G6PC1: variants seen among roughly 807,000 people sequenced by gnomAD.
G6PC1 encodes the protein glucose-6-phosphatase catalytic subunit 1.
In G6PC1, 23 loss-of-function variants were observed where a neutral mutation model predicts 30.4. The observed-to-expected ratio is 0.76, with a 90% CI of 0.55 to 1.07. The LOEUF is 1.07. Among genes scored for constraint, G6PC1 ranks in the 50% least tolerant of loss-of-function variants. The pLI is 0.00. For synonymous variants in G6PC1, 163 were observed against 175.6 expected (o/e 0.93, Z 0.57); for missense variants, 391 against 433.9 (o/e 0.90, Z 0.88).
At chr17:42,909,868 GT>G (rs1018159270) in intron 4 of G6PC1, among the ~76,000 whole-genome samples, 41 of 140,470 alleles carry the variant, frequency 2.9e-4, no homozygotes, top group Admixed American at 3.6e-4. Context: ...GTTTTTTTTT[GT>G]TTTTTTTTTT....
At chr17:42,906,015 C>CA (rs1447113307) in intron 2 of G6PC1, among the ~76,000 whole-genome samples, 2 of 149,734 alleles carry the variant, frequency 1.3e-5, no homozygotes, top group African/African-American at 5.0e-5. Flanking sequence ...CACTGCACTC[C>CA]AGCCTTGGTG....
At chr17:42,901,130 T>A (rs2056023593) in intron 1 of G6PC1, 24 bp downstream of exon 1, 4 of 1,590,216 alleles carry the variant, frequency 2.5e-6, no homozygotes, top group Non-Finnish European at 3.5e-6. Flanking sequence ...AGAGAGGAGA[T>A]CAGCAAGAAA....
Position 42,910,900 on chromosome 17 carries a change from C to T in G6PC1, c.563-15C>T. ...ATCCTTCCTATCTCTCACAGTCATGCTTTCTTCCACTCAGGCATTGCTGTT... is the reference window on the plus strand; with the variant it reads ...ATCCTTCCTATCTCTCACAGTCATGTTTTCTTCCACTCAGGCATTGCTGTT... On this transcript the variant is annotated splice_polypyrimidine_tract_variant and intron_variant, in intron 4 of 4. Coordinates refer to ENST00000253801, the MANE Select transcript of G6PC1 (RefSeq NM_000151.4). 1 of 1,613,858 alleles carries T rather than the reference C, an allele frequency of 6.2e-7. No individual in the cohort carries two copies. The highest frequency in any genetic ancestry group is 8.5e-7 in the Non-Finnish European group (1 of 1,179,768).
chr17:42,911,713 C>T lies in G6PC1; in HGVS notation c.*287C>T, dbSNP rs541803451. Reference sequence around the variant, plus strand: ...TCCTCTCTCTACTTGAATACTCTCACAAGTAGGGAGCTCACTCCCACTGGA... The same window carrying T: ...TCCTCTCTCTACTTGAATACTCTCATAAGTAGGGAGCTCACTCCCACTGGA... On this transcript the variant is annotated 3_prime_UTR_variant, in exon 5 of 5. Coordinates refer to ENST00000253801, the MANE Select transcript of G6PC1 (RefSeq NM_000151.4). The T allele has an allele frequency of 2.1e-6, 1 of 484,320 alleles. No homozygotes were observed. Among genetic ancestry groups the T allele is most frequent in the African/African-American group, 1.9e-5 (1 of 51,286 alleles). 30.0% of individuals were successfully genotyped at this position (484,320 alleles called of 1,614,324 possible).
At chr17:42,905,901 C>T (rs2056059315) in intron 2 of G6PC1, among the ~76,000 whole-genome samples, 1 of 151,940 alleles carries the variant, frequency 6.6e-6, no homozygotes, top group Admixed American at 6.6e-5. Flanking sequence ...AAAAACTTAG[C>T]CAGGCATGGT....
chr17:42,902,571 G>C (rs922469133), intron 1 of G6PC1, among the ~76,000 whole-genome samples: 9 of 152,104 alleles, frequency 5.9e-5, no homozygotes, highest in Non-Finnish European at 1.2e-4. Context: ...AAAATAAAAA[G>C]ATGAAGTGTT....
intron 1 of G6PC1, 108 bp from the exon 2 acceptor site, chr17:42,903,823 A>G (rs1368189790): frequency 1.3e-6 from 1 of 785,952 alleles, no homozygotes; most frequent in African/African-American, 1.7e-5. Context: ...TCTCCCTTCT[A>G]GAGGCAACAT....
Position 42,907,547 on chromosome 17 carries a change from G to C in G6PC1, c.365G>C (p.Gly122Ala). The C allele has an allele frequency of 6.2e-7, 1 of 1,613,698 alleles. No homozygotes were observed. Residue 122 changes from glycine (G) to alanine (A), a missense_variant, in exon 3 of 5, where the codon GGC becomes GCC. Gly to Ala is a moderately conservative substitution (Grantham distance 60). Coordinates refer to ENST00000253801, the MANE Select transcript of G6PC1 (RefSeq NM_000151.4). ...GPGSPSGHAM[G>A]TAGVYYVMVT... ...GGGAGCCCCTCTGGCCATGCCATGG[G>C]CACAGCAGGTGTATACTACGTGATG...
rs763493186 is a variant in G6PC1, at chr17:42,912,859, G to T, written c.*1433G>T. The stretch of plus-strand genomic sequence containing the variant: ...CACCCAGGCTGGAGTGGAGTGGCAC[G>T]ATCTTGGCTCACTGCAACCTCTTCC... On this transcript the variant is annotated 3_prime_UTR_variant, in exon 5 of 5. Coordinates refer to ENST00000253801, the MANE Select transcript of G6PC1 (RefSeq NM_000151.4). 6.6e-6 allele frequency: 1 copy of T among 151,784 alleles called. No homozygotes were observed. The highest frequency in any genetic ancestry group is 1.9e-4 in the East Asian group (1 of 5,156). 9.4% of individuals were successfully genotyped at this position (151,784 alleles called of 1,614,324 possible).
intron 4 of G6PC1, among the ~76,000 whole-genome samples, chr17:42,910,248 TAAC>T (rs1238152000): frequency 6.6e-6 from 1 of 152,180 alleles, no homozygotes; most frequent in African/African-American, 2.4e-5. Context: ...TATAAGACCT[TAAC>T]AAAACTGTGG....
At chr17:42,909,511 C>G (rs1490444862) in intron 4 of G6PC1, 93 bp downstream of exon 4, 1 of 912,518 alleles carries the variant, frequency 1.1e-6, no homozygotes, top group Non-Finnish European at 1.8e-6. Context: ...CAGCCACATC[C>G]TGTGTGTAAT....
chr17:42,907,824 G>C (rs1385250431), intron 3 of G6PC1, among the ~76,000 whole-genome samples, 196 bp downstream of exon 3: 1 of 152,162 alleles, frequency 6.6e-6, no homozygotes, highest in African/African-American at 2.4e-5. Context: ...GGATCCAGTA[G>C]TGCAATCCGT....
chr17:42,909,196 C>T lies in G6PC1; in HGVS notation c.447-107C>T, dbSNP rs1488116349. 11 of 865,094 alleles carry T rather than the reference C, an allele frequency of 1.3e-5. No individual in the cohort carries two copies. In the Admixed American group the frequency reaches 1.7e-4, roughly 13 times the overall value. 53.6% of individuals were successfully genotyped at this position (865,094 alleles called of 1,614,324 possible). On this transcript the variant is annotated intron_variant, in intron 3 of 4. Transcript: ENST00000253801. ...TACTGGCTTTAATTTACAAAAATTC[C>T]ACTGAGAGCACCTAAGTTTGCCAGG...
chr17:42,904,603 G>A (rs575379281), intron 2 of G6PC1, among the ~76,000 whole-genome samples: 5 of 152,222 alleles, frequency 3.3e-5, no homozygotes, highest in Admixed American at 2.0e-4. Context: ...CAAAACTAGG[G>A]AAGGTCCCTT....
chr17:42,905,429 A>AAAATAT (rs572893716), intron 2 of G6PC1, among the ~76,000 whole-genome samples: 126 of 120,818 alleles, frequency 1.0e-3, no homozygotes, highest in African/African-American at 4.5e-3. Context: ...AAAAAAAAAA[A>AAAATAT]ATATATATAT....
At chr17:42,908,547 C>G (rs1474344340) in intron 3 of G6PC1, among the ~76,000 whole-genome samples, 1 of 151,644 alleles carries the variant, frequency 6.6e-6, no homozygotes, top group Non-Finnish European at 1.5e-5. Flanking sequence ...GCTGGGACTA[C>G]AGGCACGTGC....
In G6PC1 at chr17:42,911,138, CA is replaced by C. The variant is rs1567706411; in HGVS notation, c.788del (p.Lys263ArgfsTer38). ...IDTTPFASLL[K>X]NLGTLFGLGL... ...ACACCACACCCTTTGCCAGCCTCCT[CA>C]AGAACCTGGGCACGCTCTTTGGCCT... On this transcript the variant is annotated frameshift_variant, in exon 5 of 5. Transcript: ENST00000253801. LOFTEE classifies it high-confidence loss of function. The C allele has an allele frequency of 2.5e-6, 4 of 1,614,154 alleles. No homozygotes were observed. The highest frequency in any genetic ancestry group is 3.4e-6 in the Non-Finnish European group (4 of 1,180,014).
intron 2 of G6PC1, among the ~76,000 whole-genome samples, chr17:42,905,275 A>G (rs1023978932): frequency 1.3e-5 from 2 of 151,320 alleles, no homozygotes; most frequent in African/African-American, 4.9e-5. Flanking sequence ...AAATACAAAA[A>G]TTAGCTGGGT....
At chr17:42,906,940 C>T (rs947053125) in intron 2 of G6PC1, among the ~76,000 whole-genome samples, 2 of 151,950 alleles carry the variant, frequency 1.3e-5, no homozygotes, top group African/African-American at 2.4e-5. Flanking sequence ...GGTTAAATAG[C>T]GTGGTCAGAG....
Sources: allele counts gnomAD v4.1 joint callset (sites outside exome capture counted in the v4.1 genomes callset), GRCh38; gene constraint gnomAD v4.1.1; transcripts MANE v1.5; gene names NCBI Gene and HGNC (gene_info 2026-07-23, HGNC 2026-07-21).